The following MKLN1 variants were observed in gnomAD, a reference collection of about 807,000 sequenced individuals.
MKLN1 encodes the protein muskelin.
A neutral mutation model predicts 99.0 loss-of-function variants in MKLN1; 18 were observed. The ratio of observed to expected loss-of-function variants is 0.18; its 90% confidence interval spans 0.13 to 0.27. The LOEUF (loss-of-function observed/expected upper bound fraction) is 0.27. Ranked by LOEUF, MKLN1 falls within the 10% of genes least tolerant of loss-of-function variation. The pLI is 1.00. For missense variants in MKLN1, 621 were observed against 875.9 expected (o/e 0.71, Z 3.67); for synonymous variants, 288 against 293.2 (o/e 0.98, Z 0.18).
intron 2 of MKLN1, among the ~76,000 whole-genome samples, chr7:131,155,358 T>C (rs1187068449): frequency 6.6e-6 from 1 of 152,216 alleles, no homozygotes; most frequent in Non-Finnish European, 1.5e-5. Flanking sequence ...TAGAATGGGC[T>C]TGTCAAACTT....
chr7:131,322,821 C>T lies in MKLN1; in HGVS notation c.-178-52603C>T, dbSNP rs368268565. ...TCCTGACCTCATGATCCACCCGCCT[C>T]GGCCTCCCAAAGTGCTGGGATTACA... On this transcript the variant is annotated intron_variant, in intron 3 of 7. Transcript: ENST00000416992. Among the ~76,000 whole-genome samples the T allele has an allele frequency of 5.3e-5, 8 of 152,106 alleles. No homozygotes were observed. The East Asian group carries it at 9.7e-4, about 18-fold the overall frequency.
chr7:131,405,959 CTT>C (rs1454974177), intron 6 of MKLN1, among the ~76,000 whole-genome samples: 3 of 152,028 alleles, frequency 2.0e-5, no homozygotes, highest in Non-Finnish European at 2.9e-5. Flanking sequence ...TTGCACAAAT[CTT>C]TATCAATAAG....
chr7:131,267,033 T>C (rs1176712992), intron 3 of MKLN1, among the ~76,000 whole-genome samples: 2 of 152,010 alleles, frequency 1.3e-5, no homozygotes, highest in African/African-American at 2.4e-5. Flanking sequence ...GGGACTCTTC[T>C]AAGAAATGAG....
intron 3 of MKLN1, among the ~76,000 whole-genome samples, chr7:131,314,011 T>A (rs1235577503): frequency 6.6e-6 from 1 of 152,208 alleles, no homozygotes; most frequent in Non-Finnish European, 1.5e-5. Context: ...TCTCTAAGTA[T>A]TTAAACCGTG....
In MKLN1 at chr7:131,494,800, T is replaced by C. The variant is rs1196560521; in HGVS notation, c.*7072T>C. ...TGTGAAATGTCTTTTGAAAAGAAAGTAGATAGTATAGTATTAATTAACTAC... is the reference window on the plus strand; with the variant it reads ...TGTGAAATGTCTTTTGAAAAGAAAGCAGATAGTATAGTATTAATTAACTAC... On this transcript the variant is annotated 3_prime_UTR_variant, in exon 18 of 18. Transcript: ENST00000352689. The C allele has an allele frequency of 2.0e-5, 3 of 152,222 alleles. No homozygotes were observed. Among genetic ancestry groups the C allele is most frequent in the Non-Finnish European group, 4.4e-5 (3 of 68,030 alleles). 9.4% of individuals were successfully genotyped at this position (152,222 alleles called of 1,614,324 possible).
chr7:131,160,893 A>T (rs1298610415), intron 2 of MKLN1, among the ~76,000 whole-genome samples: 1 of 152,114 alleles, frequency 6.6e-6, no homozygotes. Flanking sequence ...CTCTCTACTC[A>T]GAAGGGGAGA....
At chr7:131,245,007 G>A (rs892504732) in intron 3 of MKLN1, among the ~76,000 whole-genome samples, 8 of 152,264 alleles carry the variant, frequency 5.3e-5, no homozygotes, top group African/African-American at 1.9e-4. Context: ...TTTGTAAGAG[G>A]TGGACTAGAA....
chr7:131,405,854 A>G (rs1794688773), intron 6 of MKLN1, among the ~76,000 whole-genome samples: 1 of 152,124 alleles, frequency 6.6e-6, no homozygotes, highest in Non-Finnish European at 1.5e-5. Flanking sequence ...TTCAATTTTT[A>G]TAAACATATC....
intron 2 of MKLN1, among the ~76,000 whole-genome samples, chr7:131,167,000 T>C (rs1563238110): frequency 1.3e-5 from 2 of 152,054 alleles, no homozygotes; most frequent in Non-Finnish European, 2.9e-5. Flanking sequence ...CTAAGTATCA[T>C]CTTTTTAGAA....
At chr7:131,419,246 A>ATATATTTT (rs1554571573) in intron 8 of MKLN1, among the ~76,000 whole-genome samples, 1 of 107,304 alleles carries the variant, frequency 9.3e-6, no homozygotes, top group Non-Finnish European at 2.0e-5. Context: ...ATATATATAT[A>ATATATTTT]TTTTTGTTTT....
chr7:131,431,473 G>A (rs1795520686), intron 9 of MKLN1, among the ~76,000 whole-genome samples: 4 of 152,156 alleles, frequency 2.6e-5, no homozygotes, highest in Non-Finnish European at 5.9e-5. Flanking sequence ...CTAGGAGTCA[G>A]CTATCTGTCA....
intron 1 of MKLN1, among the ~76,000 whole-genome samples, chr7:131,345,582 TG>T (rs1252118065): frequency 1.3e-5 from 2 of 152,116 alleles, no homozygotes; most frequent in Non-Finnish European, 2.9e-5. Context: ...GGTGTGGTGT[TG>T]TGCTCCTGTA....
chr7:131,254,824 T>A (rs944330578), intron 3 of MKLN1, among the ~76,000 whole-genome samples: 6 of 151,374 alleles, frequency 4.0e-5, no homozygotes, highest in Non-Finnish European at 8.8e-5. Context: ...CACATCAACA[T>A]CTGCATAATG....
chr7:131,332,664 A>G (rs561565035), intron 1 of MKLN1, among the ~76,000 whole-genome samples: 2 of 151,896 alleles, frequency 1.3e-5, no homozygotes, highest in South Asian at 2.1e-4. Context: ...GTATTTTTCA[A>G]TTTACTGTTG....
At chr7:131,273,297 G>A (rs1207423198) in intron 3 of MKLN1, among the ~76,000 whole-genome samples, 1 of 152,198 alleles carries the variant, frequency 6.6e-6, no homozygotes. Flanking sequence ...TTCCATGGGC[G>A]GCTGTCCTTT....
At chr7:131,471,065 TA>T (rs1796807547) in intron 16 of MKLN1, 121 bp downstream of exon 16, 1 of 643,374 alleles carries the variant, frequency 1.6e-6, no homozygotes, top group Non-Finnish European at 2.6e-6. Context: ...ATGACATCAG[TA>T]ATCTTTAAAA....
chr7:131,380,872 T>C (rs1033506787), intron 2 of MKLN1, among the ~76,000 whole-genome samples: 1 of 152,326 alleles, frequency 6.6e-6, no homozygotes, highest in South Asian at 2.1e-4. Flanking sequence ...TACAGTTGAT[T>C]CTGGTTATTC....
At chr7:131,332,930 ATT>A (rs879514619) in intron 1 of MKLN1, among the ~76,000 whole-genome samples, 1 of 145,484 alleles carries the variant, frequency 6.9e-6, no homozygotes, top group African/African-American at 2.5e-5. Context: ...CGCCTGGCTA[ATT>A]TTTTTTTTTT....
chr7:131,463,747 C>G lies in MKLN1; in HGVS notation c.1673+383C>G, dbSNP rs185549219. Reference sequence around the variant, plus strand: ...GACAGTATTACTTAGCATTTCCAAACCATGACTTTTGTGTCATAGAGCATC... The same window carrying G: ...GACAGTATTACTTAGCATTTCCAAAGCATGACTTTTGTGTCATAGAGCATC... On this transcript the variant is annotated intron_variant, in intron 13 of 17. Transcript: ENST00000352689. 2.8e-3 allele frequency among the ~76,000 whole-genome samples: 422 copies of G among 152,296 alleles called. 1 individual carries two copies. Among genetic ancestry groups the G allele is most frequent in the African/African-American group, 9.8e-3 (406 of 41,574 alleles).
Sources: allele counts gnomAD v4.1 joint callset (sites outside exome capture counted in the v4.1 genomes callset), GRCh38; gene constraint gnomAD v4.1.1; transcripts MANE v1.5; gene names NCBI Gene and HGNC (gene_info 2026-07-23, HGNC 2026-07-21).